Variants in PWWP2A observed in about 807,000 individuals in gnomAD.
PWWP2A encodes PWWP domain containing 2A.
In PWWP2A, 18 loss-of-function variants were observed where a neutral mutation model predicts 48.5. That is an observed-to-expected ratio of 0.37 (90% CI 0.26 to 0.55). The LOEUF is 0.55. PWWP2A is among the 20% of genes least tolerant of loss of function. PWWP2A has a pLI of 0.81. For missense variants in PWWP2A, 867 were observed against 976.4 expected, an observed-to-expected ratio of 0.89 and a Z score of 1.49; for synonymous variants, 396 against 387.7, an observed-to-expected ratio of 1.02 and a Z score of -0.25.
intron 1 of PWWP2A, chr5:160,108,748 G>T (rs907989922): frequency 2.5e-6 from 1 of 405,922 alleles, no homozygotes; most frequent in Non-Finnish European, 4.8e-6. Context: ...TAATCCAACA[G>T]TACCCCCATG....
At chr5:160,090,926 T>C, downstream of PWWP2A, 1 of 984,898 alleles carries the variant, frequency 1.0e-6, no homozygotes, top group South Asian at 4.7e-5. Flanking sequence ...TAGGGACAGA[T>C]GGACCATGTA....
chr5:160,073,748 C>G (rs112149147), downstream of PWWP2A, among the ~76,000 whole-genome samples: 1,466 of 152,140 alleles, frequency 9.6e-3, 24 homozygotes, highest in African/African-American at 0.033. Context: ...GGTACCAAAG[C>G]AAAGGAATTG....
In PWWP2A at chr5:160,093,237, T is replaced by G; in HGVS notation, c.1413A>C (p.Pro471=). The G allele has an allele frequency of 1.2e-6, 2 of 1,613,908 alleles. No homozygotes were observed. ...RYQNPSSGSL[P]PRVRLKPQRY... ...TCTGTGGTTTTAAACGAACCCGGGG[T>G]GGAAGGGAACCTGAGCTAGGATTCT... The change falls in exon 2 of 2, where the codon CCA becomes CCC. Residue 471 remains proline (P), a synonymous_variant. Transcript: ENST00000307063. This position sits in a 1 kb window ranked among gnomAD's most constrained non-coding sequence, Gnocchi z 5.8.
intron 4 of PWWP2A, among the ~76,000 whole-genome samples, chr5:160,066,157 T>C (rs1387090274): frequency 1.3e-5 from 2 of 152,154 alleles, no homozygotes; most frequent in African/African-American, 4.8e-5. Flanking sequence ...AACTGTTAAA[T>C]CTGGCATCCA....
Position 160,119,066 on chromosome 5 carries a change from T to G in PWWP2A, c.323A>C (p.Gln108Pro), listed in dbSNP as rs1192127301. 4.4e-6 allele frequency: 7 copies of G among 1,590,282 alleles called. No homozygotes were observed. The highest frequency in any genetic ancestry group is 6.0e-6 in the Non-Finnish European group (7 of 1,176,124). Residue 108 changes from glutamine (Q) to proline (P), a missense_variant, in exon 1 of 2, where the codon CAG becomes CCG. Around this residue, in one of 4 missense-constraint regions of PWWP2A, gnomAD observed 385 missense variants for 396.9 expected, o/e 0.97. Transcript: ENST00000307063. ...RVAESAAAAP[Q>P]GGPELPPSPA... ...AGAAGGTGGAAGTTCCGGCCCTCCC[T>G]GAGGCGCGGCTGCCGCCGACTCCGC...
At chr5:160,118,257 G>T (rs1013623152) in intron 1 of PWWP2A, among the ~76,000 whole-genome samples, 2 of 152,174 alleles carry the variant, frequency 1.3e-5, no homozygotes, top group Non-Finnish European at 2.9e-5. Context: ...ACTTCTAACC[G>T]TAAGAATTAC....
At chr5:160,081,415 T>G (rs1429465307) in intron 2 of PWWP2A, among the ~76,000 whole-genome samples, 1 of 152,114 alleles carries the variant, frequency 6.6e-6, no homozygotes, top group East Asian at 1.9e-4. Flanking sequence ...ATTTTTTATA[T>G]TTTTAGTAGA....
downstream of PWWP2A, among the ~76,000 whole-genome samples, chr5:160,074,856 T>C (rs960617556): frequency 6.6e-6 from 1 of 152,094 alleles, no homozygotes; most frequent in South Asian, 2.1e-4. Context: ...CCCAGCACTT[T>C]GGGAGGCCGA....
chr5:160,107,683 T>C (rs1757038445), intron 1 of PWWP2A, among the ~76,000 whole-genome samples: 2 of 152,174 alleles, frequency 1.3e-5, no homozygotes, highest in Non-Finnish European at 1.5e-5. Flanking sequence ...CACAGTAAAG[T>C]ACAGTCTTAT....
At chr5:160,048,087 A>T in the PWWP2A span, among the ~76,000 whole-genome samples, 1 of 138,908 alleles carries the variant, frequency 7.2e-6, no homozygotes, top group Non-Finnish European at 1.5e-5. Flanking sequence ...TTAAGGATAG[A>T]TTATGAGAAA....
intron 4 of PWWP2A, chr5:160,064,855 G>T: frequency 6.9e-7 from 1 of 1,459,562 alleles, no homozygotes. Context: ...GTACTCAGTG[G>T]TAAGGCAAGA....
At chr5:160,046,553 C>A in the PWWP2A span, among the ~76,000 whole-genome samples, 1 of 152,046 alleles carries the variant, frequency 6.6e-6, no homozygotes, top group South Asian at 2.1e-4. Flanking sequence ...TAAATACTAT[C>A]TATAAATTAG....
At chr5:160,063,758 T>G (rs796269742) in intron 4 of PWWP2A, 1 of 152,324 alleles carries the variant, frequency 6.6e-6, no homozygotes, top group African/African-American at 2.4e-5. Context: ...ACATTCCTAG[T>G]TTCAGATGTT....
chr5:160,066,379 C>G (rs1554098165), intron 4 of PWWP2A, among the ~76,000 whole-genome samples: 1 of 145,188 alleles, frequency 6.9e-6, no homozygotes, highest in Non-Finnish European at 1.5e-5. Context: ...TCACTACAAC[C>G]TCTGCCTCCC....
intron 1 of PWWP2A, among the ~76,000 whole-genome samples, chr5:160,100,508 T>C (rs1581227907): frequency 6.6e-6 from 1 of 151,980 alleles, no homozygotes; most frequent in Non-Finnish European, 1.5e-5. Context: ...GGCTCATGCC[T>C]ATAATCCCTG....
chr5:160,058,468 T>C (rs972896858), downstream of PWWP2A, among the ~76,000 whole-genome samples: 2 of 149,720 alleles, frequency 1.3e-5, no homozygotes, highest in African/African-American at 4.9e-5. Context: ...TGGAGTGCAG[T>C]GGTGCGATCT....
chr5:160,118,400 C>T (rs1476141715), intron 1 of PWWP2A, among the ~76,000 whole-genome samples: 1 of 152,182 alleles, frequency 6.6e-6, no homozygotes, highest in Non-Finnish European at 1.5e-5. Flanking sequence ...ACAAGTGCCT[C>T]CTCGCAAGCA....
At chr5:160,061,473 C>G (rs2113421244), downstream of PWWP2A, among the ~76,000 whole-genome samples, 1 of 152,354 alleles carries the variant, frequency 6.6e-6, no homozygotes, top group South Asian at 2.1e-4. Context: ...CTTTGCATCT[C>G]TACCACACAT....
downstream of PWWP2A, among the ~76,000 whole-genome samples, chr5:160,087,719 AT>A (rs1422053296): frequency 6.6e-6 from 1 of 152,202 alleles, no homozygotes; most frequent in African/African-American, 2.4e-5. Context: ...TTTAACTACA[AT>A]TTTTTAAATA....
Sources: gnomAD v4.1 joint callset for allele counts (sites outside exome capture counted in the v4.1 genomes callset) on GRCh38, gnomAD v4.1.1 for gene constraint, gnomAD v4.1.1 regional missense constraint, Gnocchi (gnomAD v3.1) non-coding constraint, MANE v1.5 for transcripts, NCBI Gene and HGNC (gene_info 2026-07-23, HGNC 2026-07-21) for gene names.